Variants in INTS13 observed in about 807,000 individuals in gnomAD.
INTS13 encodes integrator complex subunit 13, also known as asunder, spermatogenesis regulator homolog (Drosphila).
INTS13 carries 35 observed loss-of-function variants against 90.2 expected under a neutral mutation model. The observed-to-expected ratio is 0.39, with a 90% CI of 0.30 to 0.51. The LOEUF is 0.51. INTS13 is among the 20% of genes least tolerant of loss of function. The pLI is 0.80. For synonymous variants in INTS13, 309 were observed against 277.1 expected, an observed-to-expected ratio of 1.11 and a Z score of -1.14; for missense variants, 601 against 851.2, an observed-to-expected ratio of 0.71 and a Z score of 3.66.
chr12:26,926,960 C>T (rs1049798549), intron 5 of INTS13, among the ~76,000 whole-genome samples: 2 of 152,180 alleles, frequency 1.3e-5, no homozygotes, highest in Admixed American at 6.5e-5. Context: ...ATCAATCACA[C>T]CTACATGAAG....
At chr12:26,913,918 A>G in intron 13 of INTS13, 56 bp downstream of exon 13, 2 of 1,483,200 alleles carry the variant, frequency 1.3e-6, no homozygotes, top group South Asian at 2.5e-5. Context: ...TATCTTGAGA[A>G]ACAATATGTA....
At chr12:26,922,556 T>C (rs1937643637) in intron 8 of INTS13, 60 bp downstream of exon 8, 3 of 1,273,510 alleles carry the variant, frequency 2.4e-6, no homozygotes. Flanking sequence ...ATGTGGGGGC[T>C]ACTGTAATAT....
intron 6 of INTS13, among the ~76,000 whole-genome samples, chr12:26,925,020 A>ATG (rs1937788505): frequency 1.3e-5 from 2 of 152,166 alleles, no homozygotes; most frequent in South Asian, 4.1e-4. Flanking sequence ...ATTAATTACA[A>ATG]ATAAGTTTTC....
chr12:26,917,822 AT>A, intron 8 of INTS13, 89 bp from the exon 9 acceptor site: 1 of 727,480 alleles, frequency 1.4e-6, no homozygotes, highest in Non-Finnish European at 2.3e-6. Context: ...TTATGTTTTA[AT>A]TTAAAAAATA....
At chr12:26,934,712 G>C (rs1018203561) in intron 2 of INTS13, 82 bp from the exon 3 acceptor site, 4 of 1,000,792 alleles carry the variant, frequency 4.0e-6, no homozygotes, top group Non-Finnish European at 6.4e-6. Context: ...TATGCAATTT[G>C]TAACACTGTT....
Position 26,926,808 on chromosome 12 carries a change from G to A in INTS13, c.585-957C>T, listed in dbSNP as rs145007906. Among the ~76,000 whole-genome samples, 1,081 of 152,304 alleles carry A rather than the reference G, an allele frequency of 7.1e-3. 12 individuals carry two copies. Among genetic ancestry groups the A allele is most frequent in the Middle Eastern group, 0.037 (11 of 294 alleles). ...ACAGGAGCATCTTTTCTTCTACTGA[G>A]GCAACTTTAGTGGGATCCTGGACAG... On this transcript the variant is annotated intron_variant, in intron 5 of 16. Coordinates refer to ENST00000261191, the MANE Select transcript of INTS13 (RefSeq NM_018164.3).
chr12:26,926,881 G>T (rs531355777), intron 5 of INTS13, among the ~76,000 whole-genome samples: 1 of 152,336 alleles, frequency 6.6e-6, no homozygotes, highest in South Asian at 2.1e-4. Flanking sequence ...ATGATTAGAA[G>T]CTCAGCAGCA....
intron 7 of INTS13, 98 bp downstream of exon 7, chr12:26,924,257 T>G (rs1937741260): frequency 1.5e-6 from 2 of 1,341,456 alleles, no homozygotes; most frequent in East Asian, 2.5e-5. Flanking sequence ...CCTCCCAAAG[T>G]GCTGGGATTA....
chr12:26,926,195 AG>A (rs1937865261), intron 5 of INTS13, among the ~76,000 whole-genome samples: 2 of 152,230 alleles, frequency 1.3e-5, no homozygotes, highest in Admixed American at 6.5e-5. Flanking sequence ...ATATTTCTTA[AG>A]GATAAAATCA....
chr12:26,936,881 CAAG>C (rs909680759), intron 1 of INTS13, 67 bp from the exon 2 acceptor site: 1 of 1,062,302 alleles, frequency 9.4e-7, no homozygotes, highest in Non-Finnish European at 1.4e-6. Flanking sequence ...CTAATTTTCT[CAAG>C]AAGATTGTCT....
intron 2 of INTS13, 140 bp from the exon 3 acceptor site, chr12:26,934,770 T>C (rs708158): frequency 0.81 from 573,920 of 711,430 alleles, 233,355 homozygotes; most frequent in East Asian, 1. Flanking sequence ...ATGTGTAGTA[T>C]ATGCCAGGTG....
chr12:26,917,592 T>C, intron 9 of INTS13, 52 bp downstream of exon 9: 1 of 1,507,244 alleles, frequency 6.6e-7, no homozygotes, highest in Middle Eastern at 1.7e-4. Context: ...CCCCATATAA[T>C]ACCTTAAGAA....
chr12:26,926,461 G>A (rs374272746), intron 5 of INTS13, among the ~76,000 whole-genome samples: 2 of 152,242 alleles, frequency 1.3e-5, no homozygotes, highest in East Asian at 1.9e-4. Context: ...AGGGCTTGAC[G>A]TGTAGTCCTG....
At chr12:26,918,519 A>T (rs574596933) in intron 8 of INTS13, among the ~76,000 whole-genome samples, 1 of 152,238 alleles carries the variant, frequency 6.6e-6, no homozygotes, top group Admixed American at 6.5e-5. Flanking sequence ...GCAAGAATTT[A>T]AAAAATCTCA....
intron 8 of INTS13, among the ~76,000 whole-genome samples, chr12:26,921,134 C>G (rs910137127): frequency 3.3e-5 from 5 of 152,212 alleles, no homozygotes; most frequent in African/African-American, 1.2e-4. Context: ...AAACATACAT[C>G]TAGAAACATA....
chr12:26,909,833 TA>T (rs1448461524), intron 15 of INTS13, among the ~76,000 whole-genome samples: 1 of 152,180 alleles, frequency 6.6e-6, no homozygotes, highest in Non-Finnish European at 1.5e-5. Flanking sequence ...ACATACACTA[TA>T]ACAAGCATAT....
chr12:26,922,860 C>T (rs1937663176), intron 7 of INTS13, among the ~76,000 whole-genome samples, 160 bp from the exon 8 acceptor site: 1 of 151,924 alleles, frequency 6.6e-6, no homozygotes. Flanking sequence ...GCAAGTGTTC[C>T]ATGCAACATA....
chr12:26,926,408 A>G (rs1287268628), intron 5 of INTS13, among the ~76,000 whole-genome samples: 1 of 152,216 alleles, frequency 6.6e-6, no homozygotes, highest in East Asian at 1.9e-4. Context: ...ATACTTAGGT[A>G]GATGTACACT....
intron 11 of INTS13, 76 bp from the exon 12 acceptor site, chr12:26,914,654 T>C: frequency 2.5e-6 from 3 of 1,200,446 alleles, no homozygotes; most frequent in Non-Finnish European, 3.5e-6. Context: ...CTAGTCTGTT[T>C]CCCTGATGTC....
Sources: gnomAD v4.1 joint callset for allele counts (sites outside exome capture counted in the v4.1 genomes callset) on GRCh38, gnomAD v4.1.1 for gene constraint, MANE v1.5 for transcripts, NCBI Gene and HGNC (gene_info 2026-07-23, HGNC 2026-07-21) for gene names.